Variants in GRID2 observed in about 807,000 individuals in gnomAD.
GRID2 encodes the protein glutamate ionotropic receptor delta type subunit 2.
In GRID2, 33 loss-of-function variants were observed where a neutral mutation model predicts 114.8. The ratio of observed to expected loss-of-function variants is 0.29; its 90% CI spans 0.22 to 0.38. The LOEUF is 0.38. GRID2 is among the 10% of genes least tolerant of loss of function. The pLI is 1.00. For synonymous variants in GRID2, 505 were observed against 449.9 expected (o/e 1.12, Z -1.55); for missense variants, 1,184 against 1,257.7 (o/e 0.94, Z 0.89).
At chr4:92,653,429 T>C (rs2149263748) in intron 2 of GRID2, among the ~76,000 whole-genome samples, 1 of 151,836 alleles carries the variant, frequency 6.6e-6, no homozygotes, top group South Asian at 2.1e-4. Context: ...TTTTTCTGAG[T>C]AACTGCAATG....
chr4:92,456,855 C>G (rs1171705433), intron 1 of GRID2, among the ~76,000 whole-genome samples: 1 of 152,012 alleles, frequency 6.6e-6, no homozygotes, highest in Non-Finnish European at 1.5e-5. Context: ...TTCCTGTATC[C>G]CTTTCTTGTG....
intron 2 of GRID2, among the ~76,000 whole-genome samples, chr4:92,784,085 T>C (rs1408283843): frequency 6.6e-6 from 1 of 152,070 alleles, no homozygotes; most frequent in Non-Finnish European, 1.5e-5. Flanking sequence ...CTTTTGTTTT[T>C]ATGATGATAT....
At chr4:93,693,335 C>A (rs946078573) in intron 14 of GRID2, among the ~76,000 whole-genome samples, 3 of 152,228 alleles carry the variant, frequency 2.0e-5, no homozygotes, top group Non-Finnish European at 2.9e-5. Context: ...ATCTGCTTCG[C>A]CGTACTAGAA....
Position 93,163,356 on chromosome 4 carries a change from GTATATATATATATATATATATA to G in GRID2, c.736-44025_736-44004del, listed in dbSNP as rs57285537. Among the ~76,000 whole-genome samples, 330 of 56,244 alleles carry G rather than the reference GTATATATATATATATATATATA, an allele frequency of 5.9e-3. 10 individuals carry two copies. Among genetic ancestry groups the G allele is most frequent in the African/African-American group, 0.02 (257 of 12,906 alleles). 36.9% of individuals were successfully genotyped at this position (56,244 alleles called of 152,430 possible). A position where few individuals can be genotyped will look rare whatever the true frequency, so the allele number is the denominator to read the frequency against. ...TTTCCACTTCTGATTTTTTTTTTGT[GTATATATATATATATATATATA>G]TATATATATATATATATATATACAC... is the stretch of plus-strand genomic sequence containing the variant. On this transcript the variant is annotated intron_variant, in intron 4 of 15. Transcript: ENST00000282020.
At chr4:93,316,291 C>A (rs77570080) in intron 8 of GRID2, among the ~76,000 whole-genome samples, 135 of 77,142 alleles carry the variant, frequency 1.8e-3, no homozygotes, top group East Asian at 7.7e-3. Flanking sequence ...AACGAAAGAA[C>A]GAAAGAAAGA....
intron 2 of GRID2, among the ~76,000 whole-genome samples, chr4:92,771,024 G>C (rs1186629813): frequency 6.6e-6 from 1 of 152,100 alleles, no homozygotes; most frequent in Non-Finnish European, 1.5e-5. Flanking sequence ...AAAAAATCAT[G>C]ATGTATTGTG....
chr4:93,201,776 A>G (rs1293230022), intron 4 of GRID2, among the ~76,000 whole-genome samples: 1 of 152,178 alleles, frequency 6.6e-6, no homozygotes, highest in East Asian at 1.9e-4. Flanking sequence ...TGTTATATTT[A>G]GCACATCTAA....
At chr4:92,678,704 G>A (rs1733504855) in intron 2 of GRID2, among the ~76,000 whole-genome samples, 1 of 151,710 alleles carries the variant, frequency 6.6e-6, no homozygotes, top group African/African-American at 2.4e-5. Context: ...TTTGATGACA[G>A]TATTAAAAAT....
chr4:92,467,846 G>A (rs1721832335), intron 1 of GRID2, among the ~76,000 whole-genome samples: 3 of 151,950 alleles, frequency 2.0e-5, no homozygotes, highest in Admixed American at 6.6e-5. Context: ...GCTTAAAATT[G>A]ACCCCAAAAA....
chr4:92,779,574 A>T (rs1449625941), intron 2 of GRID2, among the ~76,000 whole-genome samples: 1 of 152,090 alleles, frequency 6.6e-6, no homozygotes, highest in Non-Finnish European at 1.5e-5. Context: ...TTCTGCTCTG[A>T]TGTCCTTAGT....
intron 2 of GRID2, among the ~76,000 whole-genome samples, chr4:92,842,208 C>A (rs951006497): frequency 1.3e-5 from 2 of 152,118 alleles, no homozygotes; most frequent in African/African-American, 4.8e-5. Flanking sequence ...TACACAATTT[C>A]TAAACCTGCT....
intron 9 of GRID2, among the ~76,000 whole-genome samples, chr4:93,407,648 G>A (rs568517782): frequency 1.1e-4 from 17 of 151,396 alleles, no homozygotes; most frequent in African/African-American, 3.9e-4. Flanking sequence ...AAGTTAGCAC[G>A]AGCAAAGGAA....
At chr4:92,489,167 T>A (rs1432347580) in intron 1 of GRID2, among the ~76,000 whole-genome samples, 3 of 152,106 alleles carry the variant, frequency 2.0e-5, no homozygotes, top group African/African-American at 7.2e-5. Flanking sequence ...CAAACAGCAA[T>A]AATAAATATG....
At chr4:92,630,170 T>A (rs918314001) in intron 2 of GRID2, among the ~76,000 whole-genome samples, 14 of 152,070 alleles carry the variant, frequency 9.2e-5, no homozygotes, top group Non-Finnish European at 1.9e-4. Context: ...GAAATCACTG[T>A]TGAACATGGT....
intron 2 of GRID2, among the ~76,000 whole-genome samples, chr4:92,717,948 T>A (rs957667182): frequency 6.6e-6 from 1 of 152,140 alleles, no homozygotes; most frequent in African/African-American, 2.4e-5. Flanking sequence ...TGTTTTAACA[T>A]TAAATTTTTA....
At chr4:93,224,884 T>A (rs546802285) in intron 7 of GRID2, 109 bp downstream of exon 7, 3 of 725,110 alleles carry the variant, frequency 4.1e-6, no homozygotes, top group Admixed American at 6.1e-5. Flanking sequence ...CACAAAACAG[T>A]GTAATGGGGA....
intron 8 of GRID2, among the ~76,000 whole-genome samples, chr4:93,354,828 AT>A (rs1331959466): frequency 7.7e-4 from 112 of 146,356 alleles, no homozygotes; most frequent in African/African-American, 2.6e-3. Context: ...ATATATATAT[AT>A]ATAATATATA....
intron 1 of GRID2, among the ~76,000 whole-genome samples, chr4:92,451,209 G>T (rs1293153659): frequency 2.0e-5 from 3 of 152,236 alleles, no homozygotes; most frequent in East Asian, 3.9e-4. Context: ...TTGGTTCTGA[G>T]TACAGTGCCC....
chr4:93,663,388 C>G (rs767798696), intron 14 of GRID2, among the ~76,000 whole-genome samples: 5 of 152,108 alleles, frequency 3.3e-5, no homozygotes, highest in Non-Finnish European at 5.9e-5. Flanking sequence ...TTTTGGCTGC[C>G]CAGGCTCAAC....
Sources: gnomAD v4.1 joint callset for allele counts (sites outside exome capture counted in the v4.1 genomes callset) on GRCh38, gnomAD v4.1.1 for gene constraint, MANE v1.5 for transcripts, NCBI Gene and HGNC (gene_info 2026-07-23, HGNC 2026-07-21) for gene names.